Variants in MAD1L1 observed in about 807,000 individuals in gnomAD.
MAD1L1 encodes mitotic arrest deficient 1 like 1, also known as mitotic spindle assembly checkpoint protein MAD1.
MAD1L1 carries 95 observed loss-of-function variants against 96.9 expected under a neutral mutation model. That is an observed-to-expected ratio of 0.98 (90% confidence interval 0.83 to 1.16). The LOEUF is 1.16. Ranked by LOEUF, MAD1L1 falls within the 50% of genes most tolerant of loss-of-function variation. The pLI is 0.00. For synonymous variants in MAD1L1, 473 were observed against 396.6 expected (o/e 1.19, Z -2.29); for missense variants, 1,007 against 954.4 (o/e 1.06, Z -0.73).
intron 10 of MAD1L1, among the ~76,000 whole-genome samples, chr7:2,153,146 A>T (rs1412840923): frequency 6.6e-6 from 1 of 152,170 alleles, no homozygotes; most frequent in East Asian, 1.9e-4. Context: ...TATAGCTAAG[A>T]CCTCAAAAGC....
intron 18 of MAD1L1, among the ~76,000 whole-genome samples, chr7:1,830,684 C>T (rs550555529): frequency 7.9e-4 from 121 of 152,238 alleles, no homozygotes; most frequent in African/African-American, 2.6e-3. Context: ...ACACATAAGG[C>T]GGTGTCGTAT....
In MAD1L1 at chr7:1,816,196, T is replaced by C; in HGVS notation, c.2031A>G (p.Leu677=). The stretch of plus-strand genomic sequence containing the variant: ...CGGTGTGTGAGAACTCTGTCTCCAG[T>C]AGCTGCATCTTGGAACCCGAGGGGC... ...ATSPSGSKMQ[L]LETEFSHTVG... is the part of the protein sequence containing the mutation. The change falls in exon 19 of 19, where the codon CTA becomes CTG. Residue 677 remains leucine (L), a synonymous_variant. Coordinates refer to ENST00000265854, the MANE Select transcript of MAD1L1 (RefSeq NM_001013836.2). The C allele has an allele frequency of 6.2e-7, 1 of 1,613,394 alleles. No homozygotes were observed. Among genetic ancestry groups the C allele is most frequent in the South Asian group, 1.1e-5 (1 of 91,054 alleles).
intron 16 of MAD1L1, among the ~76,000 whole-genome samples, chr7:1,945,070 G>C (rs1779166624): frequency 6.6e-6 from 1 of 152,174 alleles, no homozygotes; most frequent in Admixed American, 6.5e-5. Flanking sequence ...CCTCCCGCTA[G>C]ATGGGGGCTG....
At chr7:1,880,974 T>C (rs1785649076) in intron 18 of MAD1L1, among the ~76,000 whole-genome samples, 1 of 152,238 alleles carries the variant, frequency 6.6e-6, no homozygotes, top group Non-Finnish European at 1.5e-5. Flanking sequence ...GAGGGCTCTC[T>C]AGGCAGGATG....
intron 10 of MAD1L1, among the ~76,000 whole-genome samples, chr7:2,174,705 G>A (rs1381960616): frequency 6.6e-6 from 1 of 152,086 alleles, no homozygotes; most frequent in Non-Finnish European, 1.5e-5. Context: ...CTTGTTCACT[G>A]AATGTGCTTC....
intron 10 of MAD1L1, among the ~76,000 whole-genome samples, chr7:2,156,066 T>A (rs567674975): frequency 2.0e-5 from 3 of 152,348 alleles, no homozygotes; most frequent in African/African-American, 7.2e-5. Flanking sequence ...CACGAGGATG[T>A]GCTCGGCTCT....
At position 1,898,405 on chromosome 7, in the gene MAD1L1, G is replaced by T; in HGVS notation, c.1808-15C>A. 6.2e-7 allele frequency: 1 copy of T among 1,611,828 alleles called. No individual in the cohort carries two copies. The highest frequency in any genetic ancestry group is 8.5e-7 in the Non-Finnish European group (1 of 1,178,512). ...CTTCTTCAGCTCTGCGGGAGGGACG[G>T]AAGGAGACAGTGAGTGCGGCACCAG... On this transcript the variant is annotated splice_polypyrimidine_tract_variant and intron_variant, in intron 17 of 18. Coordinates refer to ENST00000265854, the MANE Select transcript of MAD1L1 (RefSeq NM_001013836.2).
intron 11 of MAD1L1, among the ~76,000 whole-genome samples, chr7:2,077,942 G>A (rs1307358648): frequency 6.6e-6 from 1 of 152,230 alleles, no homozygotes; most frequent in Non-Finnish European, 1.5e-5. Flanking sequence ...TTTAAATGGA[G>A]CACGAACTGG....
chr7:1,824,875 G>A (rs1782310003), intron 18 of MAD1L1, among the ~76,000 whole-genome samples: 1 of 152,052 alleles, frequency 6.6e-6, no homozygotes, highest in South Asian at 2.1e-4. Flanking sequence ...GGGCGAGCCG[G>A]GGAGAAGACT....
intron 17 of MAD1L1, among the ~76,000 whole-genome samples, chr7:1,933,506 C>T (rs753920350): frequency 1.3e-5 from 2 of 152,222 alleles, no homozygotes; most frequent in Non-Finnish European, 2.9e-5. Flanking sequence ...AGGGACCTTG[C>T]CAGCCCTCTC....
chr7:1,888,101 G>A (rs1303988470), intron 18 of MAD1L1, among the ~76,000 whole-genome samples: 1 of 148,084 alleles, frequency 6.8e-6, no homozygotes, highest in Non-Finnish European at 1.5e-5. Context: ...ATGTTCATGG[G>A]GCTGCCTGTG....
At chr7:2,074,374 AAC>A (rs1447497833) in intron 11 of MAD1L1, among the ~76,000 whole-genome samples, 2 of 151,918 alleles carry the variant, frequency 1.3e-5, no homozygotes, top group African/African-American at 4.8e-5. Flanking sequence ...GGGCTGTGGG[AAC>A]ACGGGGCAGA....
In MAD1L1 at chr7:2,146,534, G is replaced by A. The variant is rs936767423; in HGVS notation, c.1073+2618C>T. ...GTAAAAACTGCAGAGGAGAACATACGTGGTCACAAGCACGTGCCCGCTGGT... is the reference window on the plus strand; with the variant it reads ...GTAAAAACTGCAGAGGAGAACATACATGGTCACAAGCACGTGCCCGCTGGT... On this transcript the variant is annotated intron_variant, in intron 11 of 18. Transcript: ENST00000265854. This position sits in a 1 kb window ranked among gnomAD's most constrained non-coding sequence, Gnocchi z 6.2. 6.6e-6 allele frequency among the ~76,000 whole-genome samples: 1 copy of A among 152,264 alleles called. No individual in the cohort carries two copies. Among genetic ancestry groups the A allele is most frequent in the South Asian group, 2.1e-4 (1 of 4,834 alleles).
intron 14 of MAD1L1, among the ~76,000 whole-genome samples, chr7:1,992,738 C>T (rs1218208078): frequency 6.6e-6 from 1 of 152,178 alleles, no homozygotes; most frequent in Admixed American, 6.5e-5. Flanking sequence ...CAAAAACAAG[C>T]CCCCAGGCGG....
chr7:1,850,814 C>T (rs541553630), intron 18 of MAD1L1, among the ~76,000 whole-genome samples: 3 of 152,192 alleles, frequency 2.0e-5, no homozygotes, highest in Non-Finnish European at 4.4e-5. Flanking sequence ...CAGGCCAGAC[C>T]GTGCACAGAG....
chr7:2,036,998 C>T lies in MAD1L1; in HGVS notation c.1219-22356G>A, dbSNP rs372997940. Reference sequence around the variant, plus strand: ...CAGCTCCCCCCACAGCACGAGCTTCCGCGTGCCCACCCACGCGCAGAAGAC... The same window carrying T: ...CAGCTCCCCCCACAGCACGAGCTTCTGCGTGCCCACCCACGCGCAGAAGAC... On this transcript the variant is annotated intron_variant, in intron 12 of 18. Coordinates refer to ENST00000265854, the MANE Select transcript of MAD1L1 (RefSeq NM_001013836.2). Among the ~76,000 whole-genome samples the T allele has an allele frequency of 1.5e-3, 230 of 152,112 alleles. 1 individual carries two copies. Among genetic ancestry groups the T allele is most frequent in the African/African-American group, 5.4e-3 (223 of 41,490 alleles).
chr7:1,884,033 G>A (rs185554918), intron 18 of MAD1L1, among the ~76,000 whole-genome samples: 140 of 151,752 alleles, frequency 9.2e-4, no homozygotes, highest in Non-Finnish European at 1.6e-3. Context: ...GCATCTGACC[G>A]CTCCATCCTC....
chr7:2,196,979 G>A (rs1299184954), intron 10 of MAD1L1, among the ~76,000 whole-genome samples: 3 of 152,322 alleles, frequency 2.0e-5, no homozygotes, highest in Admixed American at 6.5e-5. Context: ...CCAGGTCCTC[G>A]CCCTGCGAAT....
chr7:1,983,140 G>GCA (rs1197351452), intron 14 of MAD1L1, among the ~76,000 whole-genome samples: 24 of 99,280 alleles, frequency 2.4e-4, no homozygotes, highest in South Asian at 1.2e-3. Flanking sequence ...AGACGCGCGC[G>GCA]CGCGCGCGCG....
Sources: gnomAD v4.1 joint callset for allele counts (sites outside exome capture counted in the v4.1 genomes callset) on GRCh38, gnomAD v4.1.1 for gene constraint, Gnocchi (gnomAD v3.1) non-coding constraint, MANE v1.5 for transcripts, NCBI Gene and HGNC (gene_info 2026-07-23, HGNC 2026-07-21) for gene names.